Variants in XRN2 observed in about 807,000 individuals in gnomAD.
The protein encoded by XRN2 is DHM1-like protein.
In XRN2, 44 loss-of-function variants were observed where a neutral mutation model predicts 138.5. The ratio of observed to expected loss-of-function variants is 0.32; its 90% CI spans 0.25 to 0.41. The LOEUF (loss-of-function observed/expected upper bound fraction) is 0.41. Ranked by LOEUF, XRN2 falls within the 10% of genes least tolerant of loss-of-function variation. The pLI, the probability that XRN2 is intolerant of heterozygous loss-of-function variation, is 1.00. For synonymous variants in XRN2, 354 were observed against 369.4 expected, an observed-to-expected ratio of 0.96 and a Z score of 0.48; for missense variants, 937 against 1,169.3, an observed-to-expected ratio of 0.80 and a Z score of 2.90.
At chr20:21,368,300 G>A (rs1397589457) in intron 26 of XRN2, among the ~76,000 whole-genome samples, 163 bp from the exon 27 acceptor site, 1 of 152,198 alleles carries the variant, frequency 6.6e-6, no homozygotes, top group African/African-American at 2.4e-5. Flanking sequence ...TTACCATTAT[G>A]TAGTTTTGAG....
chr20:21,378,926 G>A (rs1030876813), intron 27 of XRN2, among the ~76,000 whole-genome samples: 1 of 152,168 alleles, frequency 6.6e-6, no homozygotes, highest in Non-Finnish European at 1.5e-5. Context: ...TGTTGGAATC[G>A]AGTGTAGCCC....
intron 1 of XRN2, among the ~76,000 whole-genome samples, chr20:21,311,026 C>G (rs560225791): frequency 1.8e-4 from 27 of 152,308 alleles, no homozygotes; most frequent in Non-Finnish European, 7.4e-5. Context: ...GCTGGGATTA[C>G]AGGCGTGAGC....
At chr20:21,360,166 A>G (rs770878750) in intron 24 of XRN2, among the ~76,000 whole-genome samples, 1 of 152,162 alleles carries the variant, frequency 6.6e-6, no homozygotes, top group Non-Finnish European at 1.5e-5. Context: ...CCAGTCTGTC[A>G]TCTGGAGGGT....
chr20:21,312,405 T>C (rs2037894015), intron 1 of XRN2, among the ~76,000 whole-genome samples: 1 of 152,124 alleles, frequency 6.6e-6, no homozygotes, highest in Non-Finnish European at 1.5e-5. Context: ...TAGGTTGTGT[T>C]TTTATGATTT....
intron 27 of XRN2, among the ~76,000 whole-genome samples, chr20:21,376,037 A>G (rs2038818748): frequency 1.3e-5 from 2 of 152,132 alleles, no homozygotes; most frequent in South Asian, 4.1e-4. Context: ...ACGGGGTTTC[A>G]CCGCGTTAGC....
intron 1 of XRN2, among the ~76,000 whole-genome samples, chr20:21,315,469 T>C (rs1302212301): frequency 1.3e-5 from 2 of 152,120 alleles, no homozygotes; most frequent in African/African-American, 4.8e-5. Context: ...TTTGGAGAAA[T>C]GTCTATTTAG....
chr20:21,364,204 T>A (rs915970361), intron 24 of XRN2, among the ~76,000 whole-genome samples: 3 of 152,228 alleles, frequency 2.0e-5, no homozygotes, highest in Non-Finnish European at 4.4e-5. Flanking sequence ...ACTAAATTTT[T>A]AAAAATATTA....
intron 27 of XRN2, among the ~76,000 whole-genome samples, chr20:21,369,696 C>T (rs2038740833): frequency 6.6e-6 from 1 of 152,196 alleles, no homozygotes; most frequent in Non-Finnish European, 1.5e-5. Flanking sequence ...AGATATTTTG[C>T]CCACTTTAAA....
chr20:21,388,727 C>T (rs2122381651), intron 29 of XRN2, among the ~76,000 whole-genome samples: 1 of 152,282 alleles, frequency 6.6e-6, no homozygotes, highest in East Asian at 1.9e-4. Flanking sequence ...TGCAAACATA[C>T]TAGGATATGT....
At chr20:21,369,982 G>A (rs1179376763) in intron 27 of XRN2, among the ~76,000 whole-genome samples, 3 of 152,102 alleles carry the variant, frequency 2.0e-5, no homozygotes, top group African/African-American at 7.2e-5. Context: ...AAGTTTTGTT[G>A]TAGCAGTTTC....
intron 24 of XRN2, among the ~76,000 whole-genome samples, 198 bp downstream of exon 24, chr20:21,357,990 T>G (rs2038595898): frequency 6.6e-6 from 1 of 152,228 alleles, no homozygotes; most frequent in South Asian, 2.1e-4. Context: ...GTTACTGATT[T>G]AACATGCTTG....
Position 21,356,637 on chromosome 20 carries a change from T to A in XRN2, c.2170T>A (p.Leu724Met), listed in dbSNP as rs368233234. The change falls in exon 23 of 30, where the codon TTG becomes ATG. Residue 724 changes from leucine to methionine, a missense_variant. By Grantham distance (15) the Leu-to-Met change is conservative. Around this residue, in one of 6 missense-constraint regions of XRN2, gnomAD observed 372 missense variants for 414.4 expected, o/e 0.90. Coordinates refer to ENST00000377191, the MANE Select transcript of XRN2 (RefSeq NM_012255.5). Reference protein sequence around the residue: ...LCHGIQGKFSLDEEAILPDQI... With the variant: ...LCHGIQGKFSMDEEAILPDQI... ...TCATGGGATTCAAGGAAAGTTTTCT[T>A]TGGATGAAGAAGCCATTCTTCCAGA... 185 of 1,613,760 alleles carry A rather than the reference T, an allele frequency of 1.1e-4. No individual in the cohort carries two copies. In the Middle Eastern group the frequency reaches 2.0e-3, roughly 17 times the overall value.
chr20:21,308,174 T>TG (rs2037829583), intron 1 of XRN2, among the ~76,000 whole-genome samples: 2 of 151,012 alleles, frequency 1.3e-5, no homozygotes, highest in South Asian at 2.1e-4. Flanking sequence ...TGACCTCAAG[T>TG]ATCTGCCTGC....
intron 27 of XRN2, among the ~76,000 whole-genome samples, chr20:21,369,038 C>T (rs968878427): frequency 6.6e-6 from 1 of 151,904 alleles, no homozygotes; most frequent in Non-Finnish European, 1.5e-5. Context: ...AGCCATTAAC[C>T]ATCCTCCCCT....
chr20:21,386,227 T>G (rs1419279897), intron 28 of XRN2, among the ~76,000 whole-genome samples: 2 of 152,248 alleles, frequency 1.3e-5, no homozygotes, highest in Non-Finnish European at 2.9e-5. Flanking sequence ...CCATGTAAAC[T>G]GTACACCAAA....
intron 20 of XRN2, 103 bp downstream of exon 20, chr20:21,349,564 GAAATC>G: frequency 1.0e-6 from 1 of 987,862 alleles, no homozygotes; most frequent in Admixed American, 2.2e-5. Context: ...GCAACATGGT[GAAATC>G]TCATTTCTAC....
chr20:21,358,452 A>G (rs2038600136), intron 24 of XRN2, among the ~76,000 whole-genome samples: 1 of 152,226 alleles, frequency 6.6e-6, no homozygotes. Flanking sequence ...TCTTGATGAC[A>G]GAATTTAGTT....
At chr20:21,338,984 G>A (rs1157932405) in intron 13 of XRN2, 60 bp from the exon 14 acceptor site, 13 of 1,510,346 alleles carry the variant, frequency 8.6e-6, no homozygotes, top group Non-Finnish European at 1.2e-5. Flanking sequence ...TCCTGGTAAT[G>A]CTTAACTCTG....
intron 22 of XRN2, 94 bp downstream of exon 22, chr20:21,356,271 G>A: frequency 3.1e-6 from 3 of 969,698 alleles, no homozygotes; most frequent in Non-Finnish European, 4.6e-6. Context: ...CCATTTTTAA[G>A]TGGTTATTCT....
Sources: gnomAD v4.1 joint callset for allele counts (sites outside exome capture counted in the v4.1 genomes callset) on GRCh38, gnomAD v4.1.1 for gene constraint, gnomAD v4.1.1 regional missense constraint, MANE v1.5 for transcripts, NCBI Gene and HGNC (gene_info 2026-07-23, HGNC 2026-07-21) for gene names.